Variants in AUH observed in about 807,000 individuals in gnomAD.
The protein encoded by AUH is AU RNA binding methylglutaconyl-CoA hydratase.
In AUH, 29 loss-of-function variants were observed where a neutral mutation model predicts 42.3. That is an observed-to-expected ratio of 0.69 (90% confidence interval 0.51 to 0.93). The LOEUF is 0.93. AUH is among the 40% of genes least tolerant of loss of function. The pLI is 0.00. For missense variants in AUH, 452 were observed against 438.1 expected (o/e 1.03, Z -0.28); for synonymous variants, 174 against 166.4 (o/e 1.05, Z -0.35).
intron 6 of AUH, among the ~76,000 whole-genome samples, chr9:91,255,245 G>A (rs1426116126): frequency 6.6e-6 from 1 of 152,168 alleles, no homozygotes; most frequent in African/African-American, 2.4e-5. Flanking sequence ...GTTAAACCCA[G>A]CATAAGAAAA....
At chr9:91,248,824 T>C (rs1828944737) in intron 6 of AUH, among the ~76,000 whole-genome samples, 2 of 152,150 alleles carry the variant, frequency 1.3e-5, no homozygotes, top group South Asian at 4.1e-4. Flanking sequence ...TCATTTTGTT[T>C]AAAGTTGCAG....
chr9:91,282,544 G>A (rs1393028521), intron 6 of AUH, among the ~76,000 whole-genome samples: 1 of 152,130 alleles, frequency 6.6e-6, no homozygotes, highest in Admixed American at 6.6e-5. Flanking sequence ...AACAGTATGT[G>A]AGCAGGAGGA....
intron 6 of AUH, among the ~76,000 whole-genome samples, chr9:91,285,354 A>G (rs2131589506): frequency 6.6e-6 from 1 of 152,238 alleles, no homozygotes; most frequent in Non-Finnish European, 1.5e-5. Context: ...AGACACACCT[A>G]ATGTAAATGA....
At chr9:91,231,000 T>C (rs990685123) in intron 6 of AUH, among the ~76,000 whole-genome samples, 1 of 152,256 alleles carries the variant, frequency 6.6e-6, no homozygotes, top group Non-Finnish European at 1.5e-5. Context: ...GTTACTGCTG[T>C]CTTTTTGTCT....
intron 6 of AUH, among the ~76,000 whole-genome samples, chr9:91,231,868 A>G (rs962246455): frequency 6.6e-6 from 1 of 152,218 alleles, no homozygotes; most frequent in African/African-American, 2.4e-5. Context: ...GATACTCCAT[A>G]GTACTACAGA....
chr9:91,333,017 T>C (rs1411048412), intron 3 of AUH, among the ~76,000 whole-genome samples: 1 of 152,156 alleles, frequency 6.6e-6, no homozygotes, highest in Non-Finnish European at 1.5e-5. Flanking sequence ...CACCAGGCAG[T>C]AGATATCAGC....
intron 2 of AUH, 34 bp downstream of exon 2, chr9:91,356,054 T>C (rs1265044816): frequency 2.5e-6 from 4 of 1,599,998 alleles, no homozygotes; most frequent in South Asian, 2.2e-5. Flanking sequence ...TATATCTTAA[T>C]ATTAGAAGCA....
At chr9:91,310,515 G>A (rs1279227118) in intron 4 of AUH, among the ~76,000 whole-genome samples, 1 of 152,216 alleles carries the variant, frequency 6.6e-6, no homozygotes, top group African/African-American at 2.4e-5. Context: ...GAAAGTACCA[G>A]ATGGTAGAGA....
intron 3 of AUH, among the ~76,000 whole-genome samples, chr9:91,333,916 G>A (rs1052727771): frequency 3.3e-5 from 5 of 152,058 alleles, no homozygotes; most frequent in South Asian, 2.1e-4. Flanking sequence ...TAGCAACAAA[G>A]CAAAGATCAG....
intron 4 of AUH, among the ~76,000 whole-genome samples, chr9:91,324,139 C>T (rs1399860734): frequency 6.6e-6 from 1 of 152,010 alleles, no homozygotes; most frequent in Non-Finnish European, 1.5e-5. Flanking sequence ...TATAAAAATG[C>T]CTTTTAAATA....
At chr9:91,244,435 G>C (rs887621365) in intron 6 of AUH, among the ~76,000 whole-genome samples, 1 of 152,194 alleles carries the variant, frequency 6.6e-6, no homozygotes. Flanking sequence ...ATATTAAACT[G>C]AATATAAACT....
intron 7 of AUH, 150 bp downstream of exon 7, chr9:91,220,655 G>GT (rs1287517823): frequency 6.7e-6 from 5 of 742,246 alleles, no homozygotes; most frequent in Non-Finnish European, 8.7e-6. Context: ...TTTATCTTGT[G>GT]TAACTGCTCT....
chr9:91,282,639 G>A (rs769805067), intron 6 of AUH, among the ~76,000 whole-genome samples: 6 of 152,044 alleles, frequency 3.9e-5, no homozygotes, highest in African/African-American at 9.7e-5. Flanking sequence ...TGATGGCTCC[G>A]ATCCCACGGA....
intron 4 of AUH, among the ~76,000 whole-genome samples, chr9:91,313,710 T>TC (rs1278065329): frequency 1.5e-4 from 5 of 33,654 alleles, no homozygotes; most frequent in Admixed American, 7.7e-4. Context: ...AGACTCCGTC[T>TC]CAAAAAAAAA....
chr9:91,308,581 A>C (rs969865583), intron 4 of AUH, among the ~76,000 whole-genome samples: 1 of 152,168 alleles, frequency 6.6e-6, no homozygotes, highest in South Asian at 2.1e-4. Context: ...CGGCACTTCA[A>C]ATTTCTAATA....
intron 6 of AUH, among the ~76,000 whole-genome samples, chr9:91,242,932 G>A (rs1828599133): frequency 6.6e-6 from 1 of 152,152 alleles, no homozygotes; most frequent in South Asian, 2.1e-4. Context: ...ATCAAAAGTA[G>A]GGCACATGAT....
chr9:91,291,101 G>A (rs979670575), intron 6 of AUH, among the ~76,000 whole-genome samples: 2 of 152,096 alleles, frequency 1.3e-5, no homozygotes, highest in Non-Finnish European at 2.9e-5. Context: ...ACAACCCTTG[G>A]CATTCCTTGG....
At chr9:91,332,134 C>T (rs1030269844) in intron 3 of AUH, among the ~76,000 whole-genome samples, 1 of 152,152 alleles carries the variant, frequency 6.6e-6, no homozygotes, top group Non-Finnish European at 1.5e-5. Flanking sequence ...ACTCATATGC[C>T]ATTTTCAATG....
chr9:91,315,279 C>T (rs1422647069), intron 4 of AUH, among the ~76,000 whole-genome samples: 6 of 152,196 alleles, frequency 3.9e-5, no homozygotes, highest in African/African-American at 7.2e-5. Flanking sequence ...CAAGACTCCA[C>T]CCTCAGATCC....
Sources: gnomAD v4.1 joint callset for allele counts (sites outside exome capture counted in the v4.1 genomes callset) on GRCh38, gnomAD v4.1.1 for gene constraint, MANE v1.5 for transcripts, NCBI Gene and HGNC (gene_info 2026-07-23, HGNC 2026-07-21) for gene names.